The following PLA2G4E variants were observed in gnomAD, a reference collection of about 807,000 sequenced individuals.
PLA2G4E encodes the protein cytosolic phospholipase A2 epsilon.
A neutral mutation model predicts 109.1 loss-of-function variants in PLA2G4E; 84 were observed. The observed-to-expected ratio is 0.77, with a 90% CI of 0.65 to 0.92. The LOEUF is 0.92. PLA2G4E is among the 40% of genes least tolerant of loss of function. The pLI, the probability that PLA2G4E is intolerant of heterozygous loss-of-function variation, is 0.00. For synonymous variants in PLA2G4E, 469 were observed against 436.1 expected (o/e 1.08, Z -0.94); for missense variants, 1,057 against 1,076.6 (o/e 0.98, Z 0.25).
chr15:42,019,966 C>T (rs2068632876), intron 1 of PLA2G4E, among the ~76,000 whole-genome samples: 3 of 152,344 alleles, frequency 2.0e-5, no homozygotes, highest in South Asian at 4.1e-4. Context: ...TCTCCTGGCC[C>T]AAGCTCTTGG....
chr15:42,005,553 G>A lies in PLA2G4E; in HGVS notation c.525+437C>T, dbSNP rs572298788. Among the ~76,000 whole-genome samples, 4 of 152,320 alleles carry A rather than the reference G, an allele frequency of 2.6e-5. No homozygotes were observed. In the South Asian group the frequency reaches 8.3e-4, roughly 32 times the overall value. ...TGATTGAATTGACAGCATCCTGGGG[G>A]CTCCAGCTCTGACTGTCTCTGATCT... On this transcript the variant is annotated intron_variant, in intron 4 of 19. Transcript: ENST00000399518.
chr15:42,016,064 T>C (rs2068591173), intron 1 of PLA2G4E, among the ~76,000 whole-genome samples: 1 of 152,148 alleles, frequency 6.6e-6, no homozygotes, highest in Non-Finnish European at 1.5e-5. Context: ...ACCGGCACCC[T>C]CGACATGCGA....
At chr15:42,015,298 CAG>C (rs2068577977) in intron 1 of PLA2G4E, among the ~76,000 whole-genome samples, 1 of 152,184 alleles carries the variant, frequency 6.6e-6, no homozygotes, top group South Asian at 2.1e-4. Context: ...CCTACAGCAA[CAG>C]AGTGTCGCCG....
At chr15:41,987,567 A>C (rs926622155) in intron 16 of PLA2G4E, among the ~76,000 whole-genome samples, 192 bp from the exon 17 acceptor site, 3 of 152,092 alleles carry the variant, frequency 2.0e-5, no homozygotes, top group African/African-American at 7.2e-5. Context: ...GAGTAAGCAG[A>C]GAGGTAGTAG....
exon 20 of PLA2G4E, chr15:41,983,911 G>C (rs1473454384): frequency 6.2e-7 from 1 of 1,613,316 alleles, no homozygotes; most frequent in South Asian, 1.1e-5. Context: ...GGTGGCATAG[G>C]GAGTTTTGGG....
At position 42,035,952 on chromosome 15, in the gene PLA2G4E, A is replaced by G. The variant is rs1889205302; in HGVS notation, c.183+14569T>C. Among the ~76,000 whole-genome samples the G allele has an allele frequency of 2.0e-5, 3 of 152,092 alleles. No homozygotes were observed. In the South Asian group the frequency reaches 6.2e-4, roughly 32 times the overall value. ...ATTATTTCACGTTTTTAAACTTTAT[A>G]TAAGCTAGGTAACATACAAATATCC... On this transcript the variant is annotated intron_variant, in intron 1 of 19. Coordinates refer to ENST00000399518, the Ensembl canonical transcript of PLA2G4E.
At chr15:41,981,619 TATG>T (rs1345519362) in exon 20 of PLA2G4E, 1 of 152,176 alleles carries the variant, frequency 6.6e-6, no homozygotes, top group Non-Finnish European at 1.5e-5. Flanking sequence ...GCACAAATAA[TATG>T]ATGATTTTAT....
chr15:42,004,828 C>G, intron 5 of PLA2G4E, 110 bp downstream of exon 5: 1 of 1,179,450 alleles, frequency 8.5e-7, no homozygotes, highest in Non-Finnish European at 1.2e-6. Flanking sequence ...AGGAGTGAGA[C>G]TGGAAGAGGG....
At chr15:42,014,578 G>A (rs1373656429) in intron 1 of PLA2G4E, among the ~76,000 whole-genome samples, 1 of 152,154 alleles carries the variant, frequency 6.6e-6, no homozygotes, top group Non-Finnish European at 1.5e-5. Context: ...CACTGATCAC[G>A]CACGGTGACA....
intron 1 of PLA2G4E, among the ~76,000 whole-genome samples, chr15:42,033,321 G>A (rs537503275): frequency 6.6e-6 from 1 of 152,278 alleles, no homozygotes; most frequent in East Asian, 1.9e-4. Context: ...AAGAATGAAT[G>A]CAAGTCTTGT....
rs549343419 is a variant in PLA2G4E, at chr15:42,045,127, C to T, written c.183+5394G>A. Reference sequence around the variant, plus strand: ...TGAAGGGGAGGCTGTCAAGATCCCACGTGGAGGCCGGTGGGGAGTCTCAGG... The same window carrying T: ...TGAAGGGGAGGCTGTCAAGATCCCATGTGGAGGCCGGTGGGGAGTCTCAGG... On this transcript the variant is annotated intron_variant, in intron 1 of 19. Coordinates refer to ENST00000399518, the Ensembl canonical transcript of PLA2G4E. Among the ~76,000 whole-genome samples, 14 of 152,230 alleles carry T rather than the reference C, an allele frequency of 9.2e-5. No individual in the cohort carries two copies. The East Asian group carries it at 1.9e-3, about 21-fold the overall frequency.
intron 1 of PLA2G4E, among the ~76,000 whole-genome samples, chr15:42,016,132 A>G (rs1271160194): frequency 1.3e-5 from 2 of 152,128 alleles, no homozygotes; most frequent in African/African-American, 2.4e-5. Flanking sequence ...AAGAGGATTC[A>G]ATTCTTCTCT....
At chr15:42,015,187 C>A (rs2068576871) in intron 1 of PLA2G4E, among the ~76,000 whole-genome samples, 1 of 152,170 alleles carries the variant, frequency 6.6e-6, no homozygotes, top group African/African-American at 2.4e-5. Flanking sequence ...CTCGCAGCAG[C>A]CACTACTCTA....
intron 1 of PLA2G4E, among the ~76,000 whole-genome samples, chr15:42,037,318 C>G (rs144174784): frequency 1.3e-5 from 2 of 152,332 alleles, no homozygotes; most frequent in South Asian, 4.1e-4. Flanking sequence ...GACCAATGTG[C>G]GCGCACTTCC....
At chr15:42,025,209 A>T (rs1335101041) in intron 1 of PLA2G4E, among the ~76,000 whole-genome samples, 2 of 151,806 alleles carry the variant, frequency 1.3e-5, no homozygotes, top group Non-Finnish European at 2.9e-5. Flanking sequence ...AAAGAAAAAA[A>T]AAAAAAGGAA....
intron 1 of PLA2G4E, among the ~76,000 whole-genome samples, chr15:42,043,813 G>C (rs1889361330): frequency 6.6e-6 from 1 of 152,016 alleles, no homozygotes; most frequent in South Asian, 2.1e-4. Context: ...TAATAGTACT[G>C]ATTTCACAGG....
intron 3 of PLA2G4E, among the ~76,000 whole-genome samples, chr15:42,006,905 A>G (rs1164243945): frequency 6.6e-6 from 1 of 152,226 alleles, no homozygotes; most frequent in Non-Finnish European, 1.5e-5. Flanking sequence ...CAGCTCCACA[A>G]TCCAAAGGAA....
intron 1 of PLA2G4E, among the ~76,000 whole-genome samples, chr15:42,035,561 T>G (rs530357779): frequency 1.3e-5 from 2 of 152,282 alleles, no homozygotes; most frequent in South Asian, 4.1e-4. Context: ...CCAGGGGATG[T>G]TGCAAAACAG....
intron 19 of PLA2G4E, 69 bp from the exon 20 acceptor site, chr15:41,984,043 C>G (rs2068101173): frequency 1.4e-6 from 2 of 1,413,674 alleles, no homozygotes; most frequent in South Asian, 1.2e-5. Context: ...TTCCACATCT[C>G]TCCCCAAGGC....
Sources: allele counts gnomAD v4.1 joint callset (sites outside exome capture counted in the v4.1 genomes callset), GRCh38; gene constraint gnomAD v4.1.1; transcripts MANE v1.5; gene names NCBI Gene and HGNC (gene_info 2026-07-23, HGNC 2026-07-21).